TOPBP1: variants seen among roughly 807,000 people sequenced by gnomAD.
TOPBP1 encodes DNA topoisomerase 2-binding protein 1.
In TOPBP1, 28 loss-of-function variants were observed where a neutral mutation model predicts 167.7. That is an observed-to-expected ratio of 0.17 (90% CI 0.12 to 0.23). The LOEUF (loss-of-function observed/expected upper bound fraction) is 0.23. Among genes scored for constraint, TOPBP1 ranks in the 10% least tolerant of loss-of-function variants. The pLI, the probability that TOPBP1 is intolerant of heterozygous loss-of-function variation, is 1.00. For missense variants in TOPBP1, 1,554 were observed against 1,809.6 expected (o/e 0.86, Z 2.56); for synonymous variants, 598 against 611.4 (o/e 0.98, Z 0.32).
At chr3:133,638,589 A>C (rs1204856409) in intron 13 of TOPBP1, among the ~76,000 whole-genome samples, 1 of 152,202 alleles carries the variant, frequency 6.6e-6, no homozygotes, top group Non-Finnish European at 1.5e-5. Context: ...CTAGTTTTGG[A>C]AAGTCCTTAA....
At chr3:133,611,207 C>A (rs1934664754) in intron 24 of TOPBP1, 66 bp from the exon 25 acceptor site, 1 of 1,468,812 alleles carries the variant, frequency 6.8e-7, no homozygotes, top group South Asian at 1.5e-5. Flanking sequence ...ACATACAGGG[C>A]TCCTCAAGGA....
chr3:133,643,839 C>A (rs769874652), intron 11 of TOPBP1, among the ~76,000 whole-genome samples, 181 bp downstream of exon 11: 1 of 152,138 alleles, frequency 6.6e-6, no homozygotes, highest in Non-Finnish European at 1.5e-5. Flanking sequence ...TCTACTGTAT[C>A]GGGATTAGGC....
intron 27 of TOPBP1, among the ~76,000 whole-genome samples, chr3:133,603,574 T>C (rs1202647348): frequency 6.6e-6 from 1 of 152,146 alleles, no homozygotes; most frequent in Non-Finnish European, 1.5e-5. Context: ...TAACCTCAGA[T>C]AATGTACATT....
In TOPBP1 at chr3:133,613,841, A is replaced by G. The variant is rs570894591; in HGVS notation, c.3872-1289T>C. On this transcript the variant is annotated intron_variant, in intron 23 of 27. Transcript: ENST00000260810. ...CACTCTGTCACCCAGGCTGGAGTGC[A>G]GGAGTGCAGTGGCGCGATCTCGACT... Among the ~76,000 whole-genome samples, 23 of 144,706 alleles carry G rather than the reference A, an allele frequency of 1.6e-4. No individual in the cohort carries two copies. In the South Asian group the frequency reaches 3.2e-3, roughly 20 times the overall value. The allele number at this position is 144,706 out of a possible 152,430, so 94.9% of individuals were successfully genotyped here.
At position 133,617,186 on chromosome 3, in the gene TOPBP1, G is replaced by A. The variant is rs201221333; in HGVS notation, c.3733C>T (p.Pro1245Ser). The A allele has an allele frequency of 1.2e-6, 2 of 1,613,060 alleles. No individual in the cohort carries two copies. The highest frequency in any genetic ancestry group is 2.7e-5 in the African/African-American group (2 of 74,844). The part of the protein sequence containing the change: ...PSIAFPLANP[P>S]VAPHPREKII... ...TTTTCTCTAGGGTGCGGAGCCACAG[G>A]GGGGTTGGCGAGTGGAAAGGCAATA... The change falls in exon 22 of 28, where the codon CCT becomes TCT. Residue 1245 changes from proline (P) to serine (S), a missense_variant. This residue lies in a region of TOPBP1 where 351 missense variants were observed against 432.9 expected (regional missense o/e 0.81). Transcript: ENST00000260810.
chr3:133,643,926 T>C, intron 11 of TOPBP1, 94 bp downstream of exon 11: 6 of 1,274,984 alleles, frequency 4.7e-6, no homozygotes, highest in Non-Finnish European at 6.4e-6. Context: ...AAGCATTGAT[T>C]TACTGTAACT....
rs776249369 is a variant in TOPBP1 at position 133,610,057 on chromosome 3, C to T, written c.4173+947G>A. ...AATTTGTTGTGTAATTATAGATGTG[C>T]TTTATATTAAAGTAGCAGACAATAA... is the stretch of plus-strand genomic sequence containing the variant. On this transcript the variant is annotated intron_variant, in intron 25 of 27. Coordinates refer to ENST00000260810, the MANE Select transcript of TOPBP1 (RefSeq NM_007027.4). 3.2e-4 allele frequency among the ~76,000 whole-genome samples: 48 copies of T among 152,262 alleles called. No individual in the cohort carries two copies. In the South Asian group the frequency reaches 3.5e-3, roughly 11 times the overall value.
At chr3:133,631,242 G>A (rs1935465802) in intron 14 of TOPBP1, among the ~76,000 whole-genome samples, 1 of 152,142 alleles carries the variant, frequency 6.6e-6, no homozygotes, top group Non-Finnish European at 1.5e-5. Flanking sequence ...TAAAGTGTGA[G>A]CTTTAATTAC....
At chr3:133,601,983 T>A (rs7645330) in intron 27 of TOPBP1, among the ~76,000 whole-genome samples, 2,292 of 152,264 alleles carry the variant, frequency 0.015, 68 homozygotes, top group African/African-American at 0.052. Context: ...CCATAGAGCC[T>A]GGAGAATAAA....
chr3:133,615,467 A>G (rs1351189335), intron 23 of TOPBP1, among the ~76,000 whole-genome samples: 1 of 152,002 alleles, frequency 6.6e-6, no homozygotes, highest in Admixed American at 6.6e-5. Context: ...ACAGAGCAAG[A>G]CTCTGTCTCA....
intron 27 of TOPBP1, among the ~76,000 whole-genome samples, chr3:133,604,121 CTTAT>C (rs372879387): frequency 2.7e-4 from 40 of 150,848 alleles, no homozygotes; most frequent in East Asian, 9.7e-4. Context: ...CAGGAATAAA[CTTAT>C]TTATTTATTT....
chr3:133,635,319 T>A (rs1019778576), intron 14 of TOPBP1, among the ~76,000 whole-genome samples: 20 of 152,182 alleles, frequency 1.3e-4, no homozygotes, highest in African/African-American at 4.6e-4. Context: ...AGTGGTAGGA[T>A]GATAGCTCAC....
chr3:133,638,566 A>G (rs1935759375), intron 13 of TOPBP1, among the ~76,000 whole-genome samples: 1 of 152,216 alleles, frequency 6.6e-6, no homozygotes, highest in Non-Finnish European at 1.5e-5. Context: ...AGGTACTCAG[A>G]GTTAACTACA....
At chr3:133,620,431 T>C (rs767048486) in intron 19 of TOPBP1, 84 bp from the exon 20 acceptor site, 43 of 1,378,130 alleles carry the variant, frequency 3.1e-5, no homozygotes, top group Non-Finnish European at 4.2e-5. Context: ...TTAGACCTGG[T>C]TGAACACAAA....
rs764405532 is a variant in TOPBP1, at chr3:133,643,180, G to A, written c.2021+20C>T. ...AAAAAGATACACCAATACAACAGGT[G>A]CATTAAAAATATTACATACCTTGCT... On this transcript the variant is annotated intron_variant, in intron 12 of 27. Coordinates refer to ENST00000260810, the MANE Select transcript of TOPBP1 (RefSeq NM_007027.4). The A allele has an allele frequency of 1.0e-5, 16 of 1,548,666 alleles. No homozygotes were observed. The African/African-American group carries it at 1.5e-4, about 15-fold the overall frequency.
At position 133,608,575 on chromosome 3, in the gene TOPBP1, T is replaced by C. The variant is rs753747683; in HGVS notation, c.4385A>G (p.Tyr1462Cys). 2.5e-5 allele frequency: 41 copies of C among 1,613,838 alleles called. No homozygotes were observed. In the Middle Eastern group the frequency reaches 6.6e-4, roughly 26 times the overall value. ...NIAEAAAQNVYCLRTEYIADY... is the reference protein window; with the variant it reads ...NIAEAAAQNVCCLRTEYIADY... ...AGCAATGTATTCTGTTCTCAAGCAG[T>C]ACACGTTCTGGGCAGCAGCTTCTGC... is the stretch of plus-strand genomic sequence containing the variant. Residue 1462 changes from tyrosine (Y) to cysteine (C), a missense_variant, in exon 27 of 28, where the codon TAC (tyrosine) becomes TGC (cysteine). Tyr to Cys is a radical substitution (Grantham distance 194). Around this residue, in one of 3 missense-constraint regions of TOPBP1, gnomAD observed 351 missense variants for 432.9 expected, o/e 0.81. Coordinates refer to ENST00000260810, the MANE Select transcript of TOPBP1 (RefSeq NM_007027.4).
Position 133,639,942 on chromosome 3 carries a change from A to G in TOPBP1, c.2233+17T>C, listed in dbSNP as rs1338714178. The G allele has an allele frequency of 1.9e-6, 3 of 1,608,316 alleles. No homozygotes were observed. The highest frequency in any genetic ancestry group is 1.1e-5 in the South Asian group (1 of 90,720). Reference sequence around the variant, plus strand: ...TAGTTGTAAATATATATAAAAGAACAGAATAAAAGTATTAACCTTCTTTAG... The same window carrying G: ...TAGTTGTAAATATATATAAAAGAACGGAATAAAAGTATTAACCTTCTTTAG... On this transcript the variant is annotated intron_variant, in intron 13 of 27. Coordinates refer to ENST00000260810, the MANE Select transcript of TOPBP1 (RefSeq NM_007027.4).
intron 23 of TOPBP1, among the ~76,000 whole-genome samples, chr3:133,613,494 T>C (rs549869409): frequency 6.6e-5 from 10 of 152,182 alleles, no homozygotes; most frequent in African/African-American, 2.2e-4. Context: ...GGAAGTAAGA[T>C]AGGGGCATCT....
chr3:133,640,228 T>G (rs1443876805), intron 12 of TOPBP1, 58 bp from the exon 13 acceptor site: 2 of 1,435,010 alleles, frequency 1.4e-6, no homozygotes, highest in Non-Finnish European at 1.9e-6. Flanking sequence ...CCCGCAAAAC[T>G]AACAAAATTT....
Sources: allele counts gnomAD v4.1 joint callset (sites outside exome capture counted in the v4.1 genomes callset), GRCh38; gene constraint gnomAD v4.1.1; regional missense constraint gnomAD v4.1.1; transcripts MANE v1.5; gene names NCBI Gene and HGNC (gene_info 2026-07-23, HGNC 2026-07-21).